The following PRKG2 variants were observed in gnomAD, a reference collection of about 807,000 sequenced individuals.
The protein encoded by PRKG2 is cGMP-dependent protein kinase 2.
PRKG2 carries 33 observed loss-of-function variants against 97.2 expected under a neutral mutation model. That is an observed-to-expected ratio of 0.34 (90% CI 0.26 to 0.45). The LOEUF is 0.45. Ranked by LOEUF, PRKG2 falls within the 20% of genes least tolerant of loss-of-function variation. PRKG2 has a pLI of 1.00. For missense variants in PRKG2, 638 were observed against 900.0 expected, an observed-to-expected ratio of 0.71 and a Z score of 3.73; for synonymous variants, 330 against 321.8, an observed-to-expected ratio of 1.03 and a Z score of -0.27.
chr4:81,103,393 G>C (rs975415067), intron 17 of PRKG2, among the ~76,000 whole-genome samples: 1 of 150,842 alleles, frequency 6.6e-6, no homozygotes, highest in African/African-American at 2.4e-5. Context: ...AACTGAAAAA[G>C]TACATGTCAG....
chr4:81,187,426 C>G (rs1251699327), intron 2 of PRKG2, among the ~76,000 whole-genome samples: 2 of 151,980 alleles, frequency 1.3e-5, no homozygotes, highest in East Asian at 3.9e-4. Flanking sequence ...AATTCAACAC[C>G]CCTATGTGCT....
intron 4 of PRKG2, among the ~76,000 whole-genome samples, chr4:81,170,195 G>A (rs1275218274): frequency 1.3e-5 from 2 of 152,052 alleles, no homozygotes; most frequent in African/African-American, 2.4e-5. Flanking sequence ...GTGTTTTTAT[G>A]TGTCTTTTTA....
chr4:81,092,769 T>A (rs1476006718), intron 17 of PRKG2, among the ~76,000 whole-genome samples: 3 of 152,150 alleles, frequency 2.0e-5, no homozygotes, highest in Non-Finnish European at 4.4e-5. Context: ...CAACCTCATC[T>A]CAATTCTTCC....
intron 2 of PRKG2, among the ~76,000 whole-genome samples, 198 bp downstream of exon 2, chr4:81,204,389 T>C (rs1244380679): frequency 2.6e-5 from 4 of 152,166 alleles, no homozygotes; most frequent in Non-Finnish European, 5.9e-5. Flanking sequence ...ATGAGAGATA[T>C]ATATAGTACA....
At position 81,162,345 on chromosome 4, in the gene PRKG2, A is replaced by G. The variant is rs115252242; in HGVS notation, c.912+4816T>C. ...TCCTGCTGTTAGCTATGGCCATGTG[A>G]TGAACTTTTATCTAAAATAATCTGA... On this transcript the variant is annotated intron_variant, in intron 6 of 18. Transcript: ENST00000264399. Among the ~76,000 whole-genome samples, 1,508 of 152,218 alleles carry G rather than the reference A, an allele frequency of 9.9e-3. 25 individuals are homozygous for G. Among genetic ancestry groups the G allele is most frequent in the African/African-American group, 0.034 (1,409 of 41,538 alleles).
chr4:81,166,248 A>G (rs139843381), intron 6 of PRKG2, among the ~76,000 whole-genome samples: 59 of 152,170 alleles, frequency 3.9e-4, no homozygotes, highest in African/African-American at 1.3e-3. Flanking sequence ...TATTAGTTAC[A>G]TTGTATATTG....
chr4:81,118,955 C>A (rs1744817523), intron 14 of PRKG2, among the ~76,000 whole-genome samples: 1 of 152,092 alleles, frequency 6.6e-6, no homozygotes, highest in South Asian at 2.1e-4. Context: ...CCACCACGCC[C>A]AGCTAATTTT....
intron 1 of PRKG2, among the ~76,000 whole-genome samples, chr4:81,214,672 G>GC (rs1754183529): frequency 1.3e-5 from 2 of 152,236 alleles, no homozygotes; most frequent in African/African-American, 4.8e-5. Context: ...CTGGGGCTGA[G>GC]CCCCTCCCGC....
intron 11 of PRKG2, among the ~76,000 whole-genome samples, chr4:81,142,525 T>A (rs2110041047): frequency 6.6e-6 from 1 of 152,342 alleles, no homozygotes; most frequent in East Asian, 1.9e-4. Flanking sequence ...TGGACGTGCT[T>A]ACTTAGTATA....
At position 81,152,023 on chromosome 4, in the gene PRKG2, T is replaced by A. The variant is rs1748451108; in HGVS notation, c.1022A>T (p.Asp341Val). The A allele has an allele frequency of 1.2e-6, 2 of 1,613,158 alleles. No individual in the cohort carries two copies. Among genetic ancestry groups the A allele is most frequent in the Non-Finnish European group, 1.7e-6 (2 of 1,179,522 alleles). ...VKVTQSTEGHDQPQLIKTLQK... is the reference protein window; with the variant it reads ...VKVTQSTEGHVQPQLIKTLQK... ...CAGTGTTTTTATCAGCTGTGGTTGA[T>A]CATGGCCTTCTGTGCTCTGTGTTAC... Residue 341 changes from aspartate (D) to valine (V), a missense_variant, in exon 8 of 19, where the codon GAT becomes GTT. Asp to Val is a radical substitution (Grantham distance 152, BLOSUM62 -3). This residue lies in a region of PRKG2 where 332 missense variants were observed against 421.7 expected (regional missense o/e 0.79). Transcript: ENST00000264399.
chr4:81,199,819 G>GT (rs1753192319), intron 2 of PRKG2, among the ~76,000 whole-genome samples: 1 of 152,068 alleles, frequency 6.6e-6, no homozygotes, highest in Admixed American at 6.5e-5. Context: ...TTATTTAAAC[G>GT]TATGACTCAC....
intron 6 of PRKG2, among the ~76,000 whole-genome samples, chr4:81,157,887 C>T (rs6825943): frequency 0.35 from 48,675 of 140,362 alleles, 13,266 homozygotes; most frequent in African/African-American, 0.78. Flanking sequence ...CAACGCTTCA[C>T]GCTAAAAACT....
chr4:81,181,662 T>C (rs1238380201), intron 2 of PRKG2, among the ~76,000 whole-genome samples: 1 of 151,706 alleles, frequency 6.6e-6, no homozygotes, highest in East Asian at 1.9e-4. Flanking sequence ...GAGGTATAAT[T>C]ACTATTACTA....
At chr4:81,164,129 A>G (rs1397901914) in intron 6 of PRKG2, among the ~76,000 whole-genome samples, 1 of 152,174 alleles carries the variant, frequency 6.6e-6, no homozygotes, top group East Asian at 1.9e-4. Flanking sequence ...AAAATGAAAA[A>G]CAACAGAAGT....
At position 81,191,558 on chromosome 4, in the gene PRKG2, G is replaced by T. The variant is rs187390768; in HGVS notation, c.461+13029C>A. Among the ~76,000 whole-genome samples the T allele has an allele frequency of 2.6e-3, 399 of 152,110 alleles. 2 individuals carry two copies. The highest frequency in any genetic ancestry group is 9.0e-3 in the African/African-American group (374 of 41,502). ...TGTAACAAACCTGCACCTTCTGCAC[G>T]TGTATCCCAGAACTTAAAGGATAAT... On this transcript the variant is annotated intron_variant, in intron 2 of 18. Coordinates refer to ENST00000264399, the MANE Select transcript of PRKG2 (RefSeq NM_006259.3).
intron 17 of PRKG2, among the ~76,000 whole-genome samples, chr4:81,100,518 A>T (rs1303477348): frequency 6.6e-6 from 1 of 152,224 alleles, no homozygotes; most frequent in African/African-American, 2.4e-5. Context: ...CATATGTAGA[A>T]AGCTGAAACT....
intron 4 of PRKG2, among the ~76,000 whole-genome samples, chr4:81,170,561 T>C (rs1159957495): frequency 6.6e-6 from 1 of 152,124 alleles, no homozygotes; most frequent in Non-Finnish European, 1.5e-5. Context: ...TGCCAGAGAC[T>C]CTGATTCAGG....
At chr4:81,133,137 T>G (rs1186657719) in intron 14 of PRKG2, among the ~76,000 whole-genome samples, 1 of 152,096 alleles carries the variant, frequency 6.6e-6, no homozygotes. Context: ...TTTAAATTCT[T>G]GCTTAGATTT....
chr4:81,125,830 C>A (rs1517552), intron 14 of PRKG2, among the ~76,000 whole-genome samples: 53,797 of 151,880 alleles, frequency 0.35, 16,470 homozygotes, highest in African/African-American at 0.82. Flanking sequence ...TTCCTTGATG[C>A]CTACTGACGT....
Sources: gnomAD v4.1 joint callset for allele counts (sites outside exome capture counted in the v4.1 genomes callset) on GRCh38, gnomAD v4.1.1 for gene constraint, gnomAD v4.1.1 regional missense constraint, MANE v1.5 for transcripts, NCBI Gene and HGNC (gene_info 2026-07-23, HGNC 2026-07-21) for gene names.